FADS2: variants seen among roughly 807,000 people sequenced by gnomAD.
FADS2 encodes the protein acyl-CoA 6-desaturase.
Under a neutral mutation model 61.2 loss-of-function variants are expected in FADS2, and 18 were observed. The observed-to-expected ratio is 0.29, with a 90% CI of 0.20 to 0.44. The LOEUF is 0.44. Among genes scored for constraint, FADS2 ranks in the 20% least tolerant of loss-of-function variants. The probability of loss-of-function intolerance (pLI) is 1.00; values close to 1 mark genes in which losing one functional copy is unlikely to be tolerated. For missense variants in FADS2, 322 were observed against 572.7 expected (o/e 0.56, Z 4.47); for synonymous variants, 203 against 223.9 (o/e 0.91, Z 0.83).
intron 1 of FADS2, among the ~76,000 whole-genome samples, chr11:61,831,893 C>T (rs1029671141): frequency 2.0e-5 from 3 of 152,204 alleles, no homozygotes; most frequent in Admixed American, 6.5e-5. Flanking sequence ...AACCCTCACC[C>T]GCGCCCTAAG....
At chr11:61,839,974 G>A (rs1357207622) in intron 2 of FADS2, among the ~76,000 whole-genome samples, 2 of 152,196 alleles carry the variant, frequency 1.3e-5, no homozygotes, top group African/African-American at 4.8e-5. Context: ...TCCATTGCAT[G>A]GATAGACCAC....
intron 7 of FADS2, chr11:61,862,184 A>ACT (rs35622765): frequency 0.48 from 73,265 of 151,774 alleles, 18,138 homozygotes; most frequent in Admixed American, 0.61. Context: ...TCCGTGGGTG[A>ACT]CTGGGTGGGA....
chr11:61,854,980 G>T (rs1483473054), intron 5 of FADS2: 1 of 152,300 alleles, frequency 6.6e-6, no homozygotes, highest in African/African-American at 2.4e-5. Context: ...ACTAAAGCCA[G>T]CAGTGCTTAC....
Position 61,865,559 on chromosome 11 carries a change from G to C in FADS2, c.1284-79G>C. 1.5e-6 allele frequency: 2 copies of C among 1,334,260 alleles called. No individual in the cohort carries two copies. Among genetic ancestry groups the C allele is most frequent in the South Asian group, 2.5e-5 (2 of 81,562 alleles). The allele number at this position is 1,334,260 out of a possible 1,614,324, so 82.7% of individuals were successfully genotyped here. On this transcript the variant is annotated intron_variant, in intron 11 of 11. Transcript: ENST00000278840. The surrounding 1 kb of genome is among the most constrained non-coding windows in gnomAD (Gnocchi z 4.1). ...AAGGGGACATACATGCCACCTTAAT[G>C]ATGGCCTCCTCAGCCCTTGCACTCC...
chr11:61,818,636 T>C (rs571208367), intron 1 of FADS2, among the ~76,000 whole-genome samples: 1 of 152,328 alleles, frequency 6.6e-6, no homozygotes, highest in Non-Finnish European at 1.5e-5. Context: ...GAATGTGAAC[T>C]ATATTGATAG....
chr11:61,856,831 G>C, intron 5 of FADS2, 180 bp from the exon 6 acceptor site: 1 of 620,172 alleles, frequency 1.6e-6, no homozygotes, highest in East Asian at 2.7e-5. Context: ...CTGTAGCATG[G>C]GGAGCCCAGA....
Position 61,818,644 on chromosome 11 carries a change from T to C in FADS2, c.141+2218T>C, listed in dbSNP as rs78032644. ...ATGGCTAGAATGTGAACTATATTGA[T>C]AGATATAGAATCCTTCCCCGTGAAA... On this transcript the variant is annotated intron_variant, in intron 1 of 11. Coordinates refer to the FADS2 transcript ENST00000257261. Among the ~76,000 whole-genome samples the C allele has an allele frequency of 3.1e-3, 474 of 152,256 alleles. 1 individual carries two copies. Among genetic ancestry groups the C allele is most frequent in the Non-Finnish European group, 5.5e-3 (375 of 68,018 alleles).
At chr11:61,836,247 G>A (rs879456701) in intron 1 of FADS2, among the ~76,000 whole-genome samples, 5 of 152,072 alleles carry the variant, frequency 3.3e-5, no homozygotes, top group African/African-American at 1.2e-4. Context: ...ACAGGCGTGC[G>A]CCGCTACACC....
At chr11:61,853,425 C>T (rs980263528) in intron 5 of FADS2, among the ~76,000 whole-genome samples, 18 of 151,794 alleles carry the variant, frequency 1.2e-4, no homozygotes, top group African/African-American at 3.1e-4. Flanking sequence ...ATTGCATTGA[C>T]GGGAAATTTC....
At chr11:61,856,806 G>A (rs143209834) in intron 5 of FADS2, 48 of 585,336 alleles carry the variant, frequency 8.2e-5, no homozygotes, top group South Asian at 2.4e-4. Context: ...CTGAGGAAGC[G>A]TTGGCCGCTG....
chr11:61,824,437 AGGGAGG>A (rs1565325183), upstream of FADS2, among the ~76,000 whole-genome samples: 16 of 4,556 alleles, frequency 3.5e-3, 1 homozygote, highest in East Asian at 0.04. Context: ...AGAGAGAGGG[AGGGAGG>A]GAGGGAGGGA....
At chr11:61,853,290 C>CCCTCCCTTCCTTCCTTCCTT (rs1487391139) in intron 5 of FADS2, among the ~76,000 whole-genome samples, 32 of 81,746 alleles carry the variant, frequency 3.9e-4, no homozygotes, top group African/African-American at 1.1e-3. Context: ...CTCCCTCCCT[C>CCCTCCCTTCCTTCCTTCCTT]CCTTCCTTCC....
chr11:61,853,290 C>CCCTCCCTCCCTTCCTT (rs1487391139), intron 5 of FADS2, among the ~76,000 whole-genome samples: 7 of 81,748 alleles, frequency 8.6e-5, no homozygotes, highest in Admixed American at 1.3e-4. Context: ...CTCCCTCCCT[C>CCCTCCCTCCCTTCCTT]CCTTCCTTCC....
intron 5 of FADS2, among the ~76,000 whole-genome samples, chr11:61,852,066 G>A (rs2067311480): frequency 6.6e-6 from 1 of 152,276 alleles, no homozygotes; most frequent in South Asian, 2.1e-4. Flanking sequence ...GCACCCCCAT[G>A]AGGTGGCATT....
At chr11:61,857,360 GC>G (rs999573657) in intron 6 of FADS2, 93 bp from the exon 7 acceptor site, 4 of 1,148,754 alleles carry the variant, frequency 3.5e-6, no homozygotes, top group South Asian at 2.5e-5. Context: ...TGCAGGGCTG[GC>G]CCCTGCACTC....
rs1333092144 is a variant in FADS2 at position 61,846,235 on chromosome 11, G to C, written c.619-1924G>C. Among the ~76,000 whole-genome samples the C allele has an allele frequency of 4.0e-5, 6 of 150,008 alleles. No individual in the cohort carries two copies. In the Admixed American group the frequency reaches 4.0e-4, roughly 10 times the overall value. Reference sequence around the variant, plus strand: ...GGGTTCACAGGATTCTCCTGCCTCAGACTCCTGAGTAGTTGGGATTACAGG... The same window carrying C: ...GGGTTCACAGGATTCTCCTGCCTCACACTCCTGAGTAGTTGGGATTACAGG... On this transcript the variant is annotated intron_variant, in intron 4 of 11. Coordinates refer to ENST00000278840, the MANE Select transcript of FADS2 (RefSeq NM_004265.4).
At chr11:61,860,656 G>A (rs1361528133) in intron 7 of FADS2, among the ~76,000 whole-genome samples, 3 of 152,232 alleles carry the variant, frequency 2.0e-5, no homozygotes, top group Non-Finnish European at 4.4e-5. Flanking sequence ...GGTGGCTCAC[G>A]CCTGTGATCT....
In FADS2 at chr11:61,865,507, T is replaced by G; in HGVS notation, c.1284-131T>G. ...TGAGCTGACAGCCCCACAGGCCCAG[T>G]GGCAGTGGTAAGCCCTGGTTAGGGC... On this transcript the variant is annotated intron_variant, in intron 11 of 11. Coordinates refer to ENST00000278840, the MANE Select transcript of FADS2 (RefSeq NM_004265.4). This position sits in a 1 kb window ranked among gnomAD's most constrained non-coding sequence, Gnocchi z 4.1. The G allele has an allele frequency of 1.0e-6, 1 of 966,942 alleles. No individual in the cohort carries two copies. The allele number at this position is 966,942 out of a possible 1,614,324, so 59.9% of individuals were successfully genotyped here.
intron 7 of FADS2, among the ~76,000 whole-genome samples, chr11:61,861,525 A>G (rs182230431): frequency 1.3e-5 from 2 of 152,116 alleles, no homozygotes; most frequent in East Asian, 1.9e-4. Context: ...TTGTTTCCAT[A>G]TATGTGTAGA....
Sources: gnomAD v4.1 joint callset for allele counts (sites outside exome capture counted in the v4.1 genomes callset) on GRCh38, gnomAD v4.1.1 for gene constraint, Gnocchi (gnomAD v3.1) non-coding constraint, MANE v1.5 for transcripts, NCBI Gene and HGNC (gene_info 2026-07-23, HGNC 2026-07-21) for gene names.